Variants in URB1 observed in about 807,000 individuals in gnomAD.
URB1 encodes URB1 ribosome biogenesis factor.
In URB1, 197 loss-of-function variants were observed where a neutral mutation model predicts 242.3. The ratio of observed to expected loss-of-function variants is 0.81; its 90% CI spans 0.72 to 0.91. URB1 has a LOEUF of 0.91. Among genes scored for constraint, URB1 ranks in the 40% least tolerant of loss-of-function variants. The pLI is 0.00. For synonymous variants in URB1, 1,153 were observed against 1,201.8 expected (o/e 0.96, Z 0.84); for missense variants, 2,721 against 2,860.5 (o/e 0.95, Z 1.11).
In URB1 at chr21:32,344,403, A is replaced by G. The variant is rs571967654; in HGVS notation, c.4257+167T>C. The stretch of plus-strand genomic sequence containing the variant: ...ATTCCTGATAAAAGATGGTTCATCA[A>G]TTCTGGGGTTATCCAGTATCTGCCA... On this transcript the variant is annotated intron_variant, in intron 24 of 38. Transcript: ENST00000382751. 4.8e-4 allele frequency among the ~76,000 whole-genome samples: 73 copies of G among 152,328 alleles called. 1 individual carries two copies. The highest frequency in any genetic ancestry group is 1.6e-3 in the African/African-American group (68 of 41,568).
At chr21:32,317,561 T>G (rs1047558120) in intron 37 of URB1, 115 bp downstream of exon 37, 2 of 1,445,314 alleles carry the variant, frequency 1.4e-6, no homozygotes, top group African/African-American at 2.8e-5. Context: ...GTGTCCCATC[T>G]CTGAGCCTCA....
rs368891123 is a variant in URB1, at chr21:32,314,661, C to A, written c.*257G>T. The A allele has an allele frequency of 1.2e-6, 2 of 1,612,750 alleles. No individual in the cohort carries two copies. Among genetic ancestry groups the A allele is most frequent in the East Asian group, 2.2e-5 (1 of 44,876 alleles). The stretch of plus-strand genomic sequence containing the variant: ...GAGGAAGGGGCGGCCTGACGAGGCA[C>A]TGGATGGGCCTCATGGCCTAGAAGT... On this transcript the variant is annotated 3_prime_UTR_variant, in exon 39 of 39. Transcript: ENST00000382751.
intron 12 of URB1, 36 bp from the exon 13 acceptor site, chr21:32,361,159 A>AAAAGAAAGAAAGAAAGAAAAG: frequency 3.7e-6 from 1 of 268,418 alleles, no homozygotes; most frequent in Non-Finnish European, 6.3e-6. Context: ...AAAAAGAGAA[A>AAAAGAAAGAAAGAAAGAAAAG]AAAGAAAGAA....
At chr21:32,338,026 T>C (rs995136253) in intron 26 of URB1, among the ~76,000 whole-genome samples, 2 of 152,342 alleles carry the variant, frequency 1.3e-5, no homozygotes, top group Middle Eastern at 3.4e-3. Flanking sequence ...GGAGCCCTTT[T>C]AGTTTTTCTA....
chr21:32,333,294 A>T, intron 30 of URB1, 23 bp downstream of exon 30: 1 of 1,548,158 alleles, frequency 6.5e-7, no homozygotes, highest in East Asian at 2.4e-5. Context: ...GCAAGCCCTG[A>T]CCCAAGAGAA....
intron 4 of URB1, among the ~76,000 whole-genome samples, chr21:32,378,823 C>T (rs1195679297): frequency 6.6e-6 from 1 of 152,230 alleles, no homozygotes; most frequent in African/African-American, 2.4e-5. Flanking sequence ...GTGTTCCCTT[C>T]CCTGACTATA....
intron 4 of URB1, 133 bp downstream of exon 4, chr21:32,383,289 C>T: frequency 8.4e-7 from 1 of 1,196,324 alleles, no homozygotes; most frequent in Non-Finnish European, 1.1e-6. Context: ...TGGCTGCTGA[C>T]ACACACCTTT....
At chr21:32,351,206 G>A (rs576055897) in intron 19 of URB1, among the ~76,000 whole-genome samples, 1 of 152,310 alleles carries the variant, frequency 6.6e-6, no homozygotes, top group East Asian at 1.9e-4. Flanking sequence ...TGTCCCACAG[G>A]CAGGAGCCAC....
In URB1 at chr21:32,314,267, C is replaced by T; in HGVS notation, c.*651G>A. The T allele has an allele frequency of 8.0e-6, 3 of 375,008 alleles. No individual in the cohort carries two copies. The highest frequency in any genetic ancestry group is 6.6e-5 in the South Asian group (3 of 45,342). The allele number at this position is 375,008 out of a possible 1,614,324, so 23.2% of individuals were successfully genotyped here. A position where few individuals can be genotyped will look rare whatever the true frequency, so the allele number is the denominator to read the frequency against. The stretch of plus-strand genomic sequence containing the variant: ...TGGCACGATCTCAGCTCACTGTAGC[C>T]TCCACCTCCCAGGTTCAAGCGATTC... On this transcript the variant is annotated 3_prime_UTR_variant, in exon 39 of 39. Transcript: ENST00000382751.
chr21:32,372,721 C>T (rs1021031065), intron 7 of URB1, 90 bp from the exon 8 acceptor site: 15 of 1,365,448 alleles, frequency 1.1e-5, no homozygotes, highest in African/African-American at 3.0e-5. Flanking sequence ...TATTAACTGC[C>T]GATGACAATT....
In URB1 at chr21:32,311,963, C is replaced by G. The variant is rs146788457; in HGVS notation, c.*2955G>C. On this transcript the variant is annotated 3_prime_UTR_variant, in exon 39 of 39. Coordinates refer to ENST00000382751, the MANE Select transcript of URB1 (RefSeq NM_014825.3). Reference sequence around the variant, plus strand: ...TCAGGAGCAAGCCCAGCGAGCCTCCCCCTGGAGACAGGACCTCTCAATTGC... The same window carrying G: ...TCAGGAGCAAGCCCAGCGAGCCTCCGCCTGGAGACAGGACCTCTCAATTGC... 1.3e-4 allele frequency: 212 copies of G among 1,613,366 alleles called. No homozygotes were observed. The highest frequency in any genetic ancestry group is 1.6e-4 in the Middle Eastern group (1 of 6,084).
intron 6 of URB1, among the ~76,000 whole-genome samples, chr21:32,374,200 T>C (rs978255727): frequency 2.0e-5 from 3 of 152,216 alleles, no homozygotes; most frequent in Non-Finnish European, 4.4e-5. Context: ...TACAATTAGT[T>C]GTTTCTAAAT....
chr21:32,363,165 G>T lies in URB1; in HGVS notation c.1500C>A (p.Ala500=). The T allele has an allele frequency of 6.4e-7, 1 of 1,551,594 alleles. No individual in the cohort carries two copies. Among genetic ancestry groups the T allele is most frequent in the Non-Finnish European group, 8.7e-7 (1 of 1,146,946 alleles). Residue 500 remains alanine, a synonymous_variant, in exon 11 of 39, where the codon GCC becomes GCA. Transcript: ENST00000382751. ...MEEFVQLFRE[A]LSKILPDLNT... ...CCAGATCAGAGCCTACCTTGCTCAGGGCTTCTCTGAAGAGCTGCACGAATT... is the reference window on the plus strand; with the variant it reads ...CCAGATCAGAGCCTACCTTGCTCAGTGCTTCTCTGAAGAGCTGCACGAATT...
intron 16 of URB1, 98 bp downstream of exon 16, chr21:32,355,351 C>G: frequency 9.5e-7 from 1 of 1,057,280 alleles, no homozygotes; most frequent in Non-Finnish European, 1.4e-6. Context: ...GGACGAGAAG[C>G]CTTTTGGTGC....
chr21:32,323,202 TC>T (rs2032788553), intron 32 of URB1, among the ~76,000 whole-genome samples: 1 of 152,126 alleles, frequency 6.6e-6, no homozygotes, highest in Non-Finnish European at 1.5e-5. Context: ...ATTATTTTCT[TC>T]CCCTTCCAAA....
Position 32,350,910 on chromosome 21 carries a change from G to C in URB1, c.2626C>G (p.Gln876Glu). Residue 876 changes from glutamine to glutamate, a missense_variant, in exon 20 of 39, where the codon CAG becomes GAG. Gln to Glu is a conservative substitution (Grantham distance 29, BLOSUM62 2). Transcript: ENST00000382751. ...AGGGCAGGGGGCGAGGGGCTGCCCTGTGCCTGCAGCAGCTGAGGGAGACAG... is the reference window on the plus strand; with the variant it reads ...AGGGCAGGGGGCGAGGGGCTGCCCTCTGCCTGCAGCAGCTGAGGGAGACAG... ...QAREAWLLQA[Q>E]GSPSPPALPL... The C allele has an allele frequency of 3.2e-6, 5 of 1,546,620 alleles. No individual in the cohort carries two copies. The highest frequency in any genetic ancestry group is 4.4e-6 in the Non-Finnish European group (5 of 1,146,566).
At chr21:32,349,534 T>C (rs743306) in intron 20 of URB1, 51 bp from the exon 21 acceptor site, 1,214,069 of 1,467,274 alleles carry the variant, frequency 0.83, 506,822 homozygotes, top group Non-Finnish European at 0.86. Flanking sequence ...GGTTCACAGC[T>C]ACCAGGCAGT....
chr21:32,391,594 C>CT (rs781081920), intron 1 of URB1, among the ~76,000 whole-genome samples: 7 of 152,136 alleles, frequency 4.6e-5, no homozygotes, highest in Non-Finnish European at 1.0e-4. Context: ...TTATTCATCA[C>CT]TTTATCTCTA....
At chr21:32,367,312 A>C (rs1226936011) in intron 9 of URB1, among the ~76,000 whole-genome samples, 1 of 152,026 alleles carries the variant, frequency 6.6e-6, no homozygotes, top group Non-Finnish European at 1.5e-5. Flanking sequence ...CCCCTCCCCT[A>C]TCCTACAAAT....
Sources: allele counts gnomAD v4.1 joint callset (sites outside exome capture counted in the v4.1 genomes callset), GRCh38; gene constraint gnomAD v4.1.1; transcripts MANE v1.5; gene names NCBI Gene and HGNC (gene_info 2026-07-23, HGNC 2026-07-21).